The following TMC7 variants were observed in gnomAD, a reference collection of about 807,000 sequenced individuals.
The protein encoded by TMC7 is transmembrane channel-like protein 7.
A neutral mutation model predicts 82.9 loss-of-function variants in TMC7; 54 were observed. The ratio of observed to expected loss-of-function variants is 0.65; its 90% CI spans 0.52 to 0.82. TMC7 has a LOEUF of 0.82. TMC7 is among the 40% of genes least tolerant of loss of function. The pLI, the probability that TMC7 is intolerant of heterozygous loss-of-function variation, is 0.00. For missense variants in TMC7, 820 were observed against 901.2 expected (o/e 0.91, Z 1.15); for synonymous variants, 350 against 337.9 (o/e 1.04, Z -0.39).
chr16:19,059,362 A>T, intron 14 of TMC7, 54 bp from the exon 15 acceptor site: 2 of 1,586,152 alleles, frequency 1.3e-6, no homozygotes, highest in Non-Finnish European at 1.7e-6. Flanking sequence ...TTATTTTTCT[A>T]TTGGCCTTCA....
chr16:19,061,956 C>G lies in TMC7; in HGVS notation c.*113C>G. On this transcript the variant is annotated 3_prime_UTR_variant, in exon 16 of 16. Transcript: ENST00000304381. ...AGTGGACATTTAAAAATATATTTTT[C>G]TTGAGTTTAGGCTTTTCCATATGTG... The G allele has an allele frequency of 2.3e-6, 2 of 878,232 alleles. No homozygotes were observed. The highest frequency in any genetic ancestry group is 3.4e-6 in the Non-Finnish European group (2 of 591,844). The allele number at this position is 878,232 out of a possible 1,614,324, so 54.4% of individuals were successfully genotyped here. A position where few individuals can be genotyped will look rare whatever the true frequency, so the allele number is the denominator to read the frequency against.
chr16:19,054,664 G>A (rs1398572335), intron 13 of TMC7, among the ~76,000 whole-genome samples: 2 of 150,126 alleles, frequency 1.3e-5, no homozygotes, highest in Admixed American at 6.6e-5. Flanking sequence ...GCAGTGAGCC[G>A]AGATTGCACC....
chr16:19,047,109 G>T lies in TMC7; in HGVS notation c.1600G>T (p.Gly534Trp), dbSNP rs766462020. ...CSSCKLIQCW[G>W]QQEFAIPDNV... ...CTCTTGCAAGCTGATTCAGTGCTGG[G>T]GGCAGCAGGAGTTTGCCATTCCTGA... Residue 534 changes from glycine (G) to tryptophan (W), a missense_variant, in exon 12 of 16, where the codon GGG becomes TGG. This residue lies in a region of TMC7 where 650 missense variants were observed against 669.9 expected (regional missense o/e 0.97). Coordinates refer to ENST00000304381, the MANE Select transcript of TMC7 (RefSeq NM_024847.4). 1.2e-6 allele frequency: 2 copies of T among 1,613,928 alleles called. No individual in the cohort carries two copies. The highest frequency in any genetic ancestry group is 1.7e-6 in the Non-Finnish European group (2 of 1,179,962).
At chr16:18,994,961 G>A (rs2039016340) in intron 1 of TMC7, among the ~76,000 whole-genome samples, 1 of 141,174 alleles carries the variant, frequency 7.1e-6, no homozygotes, top group African/African-American at 2.6e-5. Context: ...CGGGAGTAGA[G>A]GTGTCCTATA....
At chr16:19,021,066 G>T (rs12919754) in intron 3 of TMC7, among the ~76,000 whole-genome samples, 73,352 of 151,894 alleles carry the variant, frequency 0.48, 20,642 homozygotes, top group East Asian at 0.74. Flanking sequence ...TATATTTTAT[G>T]TAATCCCAAT....
chr16:18,984,448 G>C, intron 1 of TMC7: 1 of 1,167,658 alleles, frequency 8.6e-7, no homozygotes, highest in Non-Finnish European at 1.1e-6. Flanking sequence ...TTAAATGAAA[G>C]GATTTGAGCA....
chr16:19,041,005 C>T (rs1298353631), intron 9 of TMC7, among the ~76,000 whole-genome samples: 1 of 151,740 alleles, frequency 6.6e-6, no homozygotes, highest in African/African-American at 2.4e-5. Flanking sequence ...ATCCTCCCAC[C>T]TCAGCCTCCC....
At position 19,062,862 on chromosome 16, in the gene TMC7, G is replaced by A. The variant is rs1207903087; in HGVS notation, c.*1019G>A. 6.6e-6 allele frequency: 1 copy of A among 152,242 alleles called. No individual in the cohort carries two copies. Among genetic ancestry groups the A allele is most frequent in the Non-Finnish European group, 1.5e-5 (1 of 67,994 alleles). The allele number at this position is 152,242 out of a possible 1,614,324, so 9.4% of individuals were successfully genotyped here. ...GCCTTCCTTCCATTGTTTTTCTTCC[G>A]TTCACTGGCTCCACACGTTTCCTGG... On this transcript the variant is annotated 3_prime_UTR_variant, in exon 16 of 16. Coordinates refer to ENST00000304381, the MANE Select transcript of TMC7 (RefSeq NM_024847.4).
chr16:18,990,643 T>C (rs1382679221), intron 1 of TMC7, among the ~76,000 whole-genome samples: 3 of 152,152 alleles, frequency 2.0e-5, no homozygotes, highest in Admixed American at 2.0e-4. Flanking sequence ...GGTGGTGGGA[T>C]TATCGTTGGT....
Position 19,061,756 on chromosome 16 carries a change from A to T in TMC7, c.2107-22A>T, listed in dbSNP as rs199640186. 3.1e-4 allele frequency: 490 copies of T among 1,605,508 alleles called. 7 individuals are homozygous for T. The South Asian group carries it at 4.2e-3, about 14-fold the overall frequency. On this transcript the variant is annotated intron_variant, in intron 15 of 15. Coordinates refer to ENST00000304381, the MANE Select transcript of TMC7 (RefSeq NM_024847.4). ...TTGTTTCCAAATATATTAAATGTACATGTGAACTTATTATTTTTTAGGAAA... is the reference window on the plus strand; with the variant it reads ...TTGTTTCCAAATATATTAAATGTACTTGTGAACTTATTATTTTTTAGGAAA...
chr16:19,030,304 G>A lies in TMC7; in HGVS notation c.792G>A (p.Leu264=), dbSNP rs766306886. Residue 264 remains leucine (L), a synonymous_variant, in exon 6 of 16, where the codon CTG becomes CTA. Transcript: ENST00000304381. ...AATTTCAGAACTTCACCTATGATCT[G>A]CCCCTGGCGTATTTGTTAAGCACAA... ...GVKFQNFTYD[L]PLAYLLSTIA... The A allele has an allele frequency of 9.3e-6, 15 of 1,613,760 alleles. No homozygotes were observed. In the East Asian group the frequency reaches 2.9e-4, roughly 31 times the overall value.
intron 12 of TMC7, chr16:19,049,798 G>T (rs1038682501): frequency 3.8e-6 from 1 of 263,306 alleles, no homozygotes. Flanking sequence ...AAGATGTTCC[G>T]GCTCCTCCTG....
intron 3 of TMC7, among the ~76,000 whole-genome samples, chr16:19,018,244 A>G (rs1006183012): frequency 2.6e-5 from 4 of 152,104 alleles, no homozygotes; most frequent in African/African-American, 9.7e-5. Context: ...AATACTGTGA[A>G]CCCCTACTTT....
chr16:19,010,069 C>T (rs2039312447), intron 2 of TMC7, among the ~76,000 whole-genome samples: 1 of 119,218 alleles, frequency 8.4e-6, no homozygotes, highest in Non-Finnish European at 1.7e-5. Context: ...TCTTCTTCTT[C>T]CTTTCCTTTC....
intron 15 of TMC7, among the ~76,000 whole-genome samples, chr16:19,060,818 G>T (rs111378600): frequency 0.054 from 7,789 of 144,222 alleles, 272 homozygotes; most frequent in South Asian, 0.13. Context: ...ACAGAGTCTT[G>T]CTCTGTCACC....
intron 12 of TMC7, 113 bp downstream of exon 12, chr16:19,047,362 CT>C: frequency 4.5e-6 from 4 of 882,596 alleles, no homozygotes; most frequent in East Asian, 2.6e-5. Context: ...AAATTACATC[CT>C]TTATTTAAAA....
At chr16:18,995,289 G>A (rs893570487) in intron 1 of TMC7, among the ~76,000 whole-genome samples, 2 of 152,120 alleles carry the variant, frequency 1.3e-5, no homozygotes, top group East Asian at 1.9e-4. Context: ...GGTAGCCTCC[G>A]TATTGATTAA....
intron 1 of TMC7, among the ~76,000 whole-genome samples, chr16:18,996,471 A>C (rs962926893): frequency 4.6e-5 from 7 of 152,226 alleles, no homozygotes; most frequent in Admixed American, 1.3e-4. Flanking sequence ...TAGATCTTAT[A>C]GGATAGACAG....
Position 19,041,838 on chromosome 16 carries a change from C to G in TMC7, c.1337+1392C>G, listed in dbSNP as rs111325141. ...ACATGCTGTTTGGTAGTCATGTGTC[C>G]TAAATCTCTTTTATTATTTTCAGAG... On this transcript the variant is annotated intron_variant, in intron 9 of 15. Transcript: ENST00000304381. Among the ~76,000 whole-genome samples, 1,150 of 152,272 alleles carry G rather than the reference C, an allele frequency of 7.6e-3. 4 individuals carry two copies. Among genetic ancestry groups the G allele is most frequent in the Middle Eastern group, 0.014 (4 of 294 alleles).
Sources: gnomAD v4.1 joint callset for allele counts (sites outside exome capture counted in the v4.1 genomes callset) on GRCh38, gnomAD v4.1.1 for gene constraint, gnomAD v4.1.1 regional missense constraint, MANE v1.5 for transcripts, NCBI Gene and HGNC (gene_info 2026-07-23, HGNC 2026-07-21) for gene names.